Variants in HRAS observed in about 807,000 individuals in gnomAD.
HRAS encodes HRas proto-oncogene, GTPase.
Under a neutral mutation model 19.8 loss-of-function variants are expected in HRAS, and 11 were observed. The observed-to-expected ratio is 0.55, with a 90% CI of 0.35 to 0.92. HRAS has a LOEUF of 0.92. Among genes scored for constraint, HRAS ranks in the 40% least tolerant of loss-of-function variants. The pLI, the probability that HRAS is intolerant of heterozygous loss-of-function variation, is 0.01. For missense variants in HRAS, 204 were observed against 255.9 expected, an observed-to-expected ratio of 0.80 and a Z score of 1.38; for synonymous variants, 149 against 105.5, an observed-to-expected ratio of 1.41 and a Z score of -2.52.
intron 4 of HRAS, chr11:533,180 C>T (rs1312637541): frequency 7.8e-6 from 9 of 1,148,278 alleles, no homozygotes; most frequent in Admixed American, 4.9e-5. Flanking sequence ...CAAGGACCTC[C>T]GCCTTCCCCG....
chr11:533,733 C>T (rs751844306), intron 3 of HRAS, 33 bp downstream of exon 3: 2 of 1,612,278 alleles, frequency 1.2e-6, no homozygotes, highest in Non-Finnish European at 1.7e-6. Context: ...ACCTGTGCGG[C>T]GTGGGCTCCC....
chr11:535,271 C>G (rs1315245633), intron 1 of HRAS, 145 bp downstream of exon 1: 1 of 135,302 alleles, frequency 7.4e-6, no homozygotes, highest in Admixed American at 7.6e-5. Context: ...GCCCGCGGGC[C>G]CCGCCCGGCC....
Position 533,857 on chromosome 11 carries a change from T to G in HRAS, c.199A>C (p.Met67Leu), listed in dbSNP as rs771774973. 1 of 1,613,368 alleles carries G rather than the reference T, an allele frequency of 6.2e-7. No individual in the cohort carries two copies. Among genetic ancestry groups the G allele is most frequent in the Non-Finnish European group, 8.5e-7 (1 of 1,180,002 alleles). ...CCGGTGCGCATGTACTGGTCCCGCA[T>G]GGCGCTGTACTCCTCCTGGCCGGCG... ...DTAGQEEYSA[M>L]RDQYMRTGEG... is the part of the protein sequence containing the mutation. The change falls in exon 3 of 6, where the codon ATG (methionine) becomes CTG (leucine). Residue 67 changes from methionine (M) to leucine (L), a missense_variant. Physicochemically the swap from Met to Leu is conservative, Grantham distance 15. Around this residue, in one of 4 missense-constraint regions of HRAS, gnomAD observed 51 missense variants for 79.0 expected, o/e 0.65. Coordinates refer to ENST00000311189, the MANE Select transcript of HRAS (RefSeq NM_005343.4).
At chr11:533,301 T>G (rs1418944358) in intron 4 of HRAS, 152 bp downstream of exon 4, 1 of 1,600,458 alleles carries the variant, frequency 6.2e-7, no homozygotes, top group Non-Finnish European at 8.5e-7. Context: ...CTGGGTCACA[T>G]GGGTCCCGGG....
At chr11:534,409 G>T in intron 1 of HRAS, 34 bp from the exon 2 acceptor site, 2 of 732,694 alleles carry the variant, frequency 2.7e-6, no homozygotes, top group Non-Finnish European at 4.0e-6. Flanking sequence ...CCAGGCCCAG[G>T]CCCAGCCCCA....
At position 533,234 on chromosome 11, in the gene HRAS, G is replaced by A. The variant is rs550980746; in HGVS notation, c.450+219C>T. 87 of 1,499,142 alleles carry A rather than the reference G, an allele frequency of 5.8e-5. No homozygotes were observed. In the South Asian group the frequency reaches 8.2e-4, roughly 14 times the overall value. 92.9% of individuals were successfully genotyped at this position (1,499,142 alleles called of 1,614,324 possible). A position where few individuals can be genotyped will look rare whatever the true frequency, so the allele number is the denominator to read the frequency against. On this transcript the variant is annotated intron_variant, in intron 4 of 5. Coordinates refer to ENST00000311189, the MANE Select transcript of HRAS (RefSeq NM_005343.4). Reference sequence around the variant, plus strand: ...ACTGCAGGGCGTGAGCCCAGACCCCGGCCCTCGCCTCCCTCACTGCCCTGC... The same window carrying A: ...ACTGCAGGGCGTGAGCCCAGACCCCAGCCCTCGCCTCCCTCACTGCCCTGC...
rs568739285 is a variant in HRAS, at chr11:533,972, C to T, written c.112-28G>A. ...GCAGGAGGACAGGGCTCAGGGACCCCCTCAGGACCTTCCGTGGGGGGAGTT... is the reference window on the plus strand; with the variant it reads ...GCAGGAGGACAGGGCTCAGGGACCCTCTCAGGACCTTCCGTGGGGGGAGTT... On this transcript the variant is annotated intron_variant, in intron 2 of 5. Transcript: ENST00000311189. 21 of 1,605,424 alleles carry T rather than the reference C, an allele frequency of 1.3e-5. 1 individual carries two copies. In the South Asian group the frequency reaches 1.4e-4, roughly 11 times the overall value.
intron 1 of HRAS, chr11:534,618 G>A: frequency 3.8e-6 from 2 of 520,232 alleles, no homozygotes; most frequent in Non-Finnish European, 7.0e-6. Context: ...TCAAAGGCAG[G>A]GCTGACAGCT....
In HRAS at chr11:534,324, G is replaced by T. The variant is rs757657838; in HGVS notation, c.-2C>A. On this transcript the variant is annotated 5_prime_UTR_variant, in exon 2 of 6. Transcript: ENST00000311189. ...CACCACCAGCTTATATTCCGTCATC[G>T]CTCCTCAGGGGCCTGCGGCCCGGGG... The T allele has an allele frequency of 6.2e-7, 1 of 1,610,152 alleles. No homozygotes were observed. The highest frequency in any genetic ancestry group is 8.5e-7 in the Non-Finnish European group (1 of 1,178,670).
Position 534,237 on chromosome 11 carries a change from A to C in HRAS, c.86T>G (p.Val29Gly). 1 of 1,613,528 alleles carries C rather than the reference A, an allele frequency of 6.2e-7. No homozygotes were observed. The highest frequency in any genetic ancestry group is 8.5e-7 in the Non-Finnish European group (1 of 1,179,758). ...LTIQLIQNHF[V>G]DEYDPTIEDS... is the part of the protein sequence containing the mutation. ...CTCTATAGTGGGGTCGTATTCGTCCACAAAATGGTTCTGGATCAGCTGGAT... is the reference window on the plus strand; with the variant it reads ...CTCTATAGTGGGGTCGTATTCGTCCCCAAAATGGTTCTGGATCAGCTGGAT... The change falls in exon 2 of 6, where the codon GTG becomes GGG. Residue 29 changes from valine (V) to glycine (G), a missense_variant. By Grantham distance (109) the Val-to-Gly change is moderately radical (BLOSUM62 -3). This residue lies in a region of HRAS where 51 missense variants were observed against 79.0 expected (regional missense o/e 0.65). Transcript: ENST00000311189.
intron 1 of HRAS, 71 bp from the exon 2 acceptor site, chr11:534,446 G>A: frequency 7.9e-6 from 6 of 757,226 alleles, no homozygotes; most frequent in Non-Finnish European, 1.3e-5. Context: ...TGCTGGCAGG[G>A]CCATCTGAAG....
In HRAS at chr11:533,395, T is replaced by C. The variant is rs767973364; in HGVS notation, c.450+58A>G. The C allele has an allele frequency of 1.4e-5, 17 of 1,206,062 alleles. No individual in the cohort carries two copies. The Admixed American group carries it at 3.0e-4, about 21-fold the overall frequency. 74.7% of individuals were successfully genotyped at this position (1,206,062 alleles called of 1,614,324 possible). A position where few individuals can be genotyped will look rare whatever the true frequency, so the allele number is the denominator to read the frequency against. ...GAGAGGGTCAGTGAGTGCTGCTCCC[T>C]GGCTGGGGCGGGGCGGGGCGGGTCC... On this transcript the variant is annotated intron_variant, in intron 4 of 5. Coordinates refer to ENST00000311189, the MANE Select transcript of HRAS (RefSeq NM_005343.4).
rs755577443 is a variant in HRAS at position 533,963 on chromosome 11, C to T, written c.112-19G>A. Reference sequence around the variant, plus strand: ...AGGAATCCTGCAGGAGGACAGGGCTCAGGGACCCCCTCAGGACCTTCCGTG... The same window carrying T: ...AGGAATCCTGCAGGAGGACAGGGCTTAGGGACCCCCTCAGGACCTTCCGTG... On this transcript the variant is annotated intron_variant, in intron 2 of 5. Transcript: ENST00000311189. 5.0e-6 allele frequency: 8 copies of T among 1,607,382 alleles called. No homozygotes were observed. The highest frequency in any genetic ancestry group is 6.8e-6 in the Non-Finnish European group (8 of 1,179,836).
Position 532,718 on chromosome 11 carries a change from A to T in HRAS, c.488T>A (p.Ile163Asn). 1 of 1,613,144 alleles carries T rather than the reference A, an allele frequency of 6.2e-7. No homozygotes were observed. The highest frequency in any genetic ancestry group is 8.5e-7 in the Non-Finnish European group (1 of 1,179,994). The change falls in exon 5 of 6, where the codon ATC (isoleucine) becomes AAC (asparagine). Residue 163 changes from isoleucine to asparagine, a missense_variant. By Grantham distance (149) the Ile-to-Asn change is moderately radical (BLOSUM62 -3). This residue lies in a region of HRAS where 142 missense variants were observed against 141.1 expected (regional missense o/e 1.01). Coordinates refer to ENST00000311189, the MANE Select transcript of HRAS (RefSeq NM_005343.4). ...CAGCTTCCGCAGCTTGTGCTGCCGGATCTCACGCACCAACGTGTAGAAGGC... is the reference window on the plus strand; with the variant it reads ...CAGCTTCCGCAGCTTGTGCTGCCGGTTCTCACGCACCAACGTGTAGAAGGC... ...EDAFYTLVREIRQHKLRKLNP... is the reference protein window; with the variant it reads ...EDAFYTLVRENRQHKLRKLNP...
In HRAS at chr11:535,527, G is replaced by A. The variant is rs985664217; in HGVS notation, c.-165C>T. On this transcript the variant is annotated 5_prime_UTR_variant, in exon 1 of 6. Coordinates refer to ENST00000311189, the MANE Select transcript of HRAS (RefSeq NM_005343.4). The stretch of plus-strand genomic sequence containing the variant: ...CATGGGCTCCGTCCGCGGCGGGTGC[G>A]GCTCGGGTTGCGGGCGCAGGGCACG... The A allele has an allele frequency of 6.8e-6, 1 of 147,982 alleles. No individual in the cohort carries two copies. Among genetic ancestry groups the A allele is most frequent in the Non-Finnish European group, 1.5e-5 (1 of 66,118 alleles). The allele number at this position is 147,982 out of a possible 1,614,324, so 9.2% of individuals were successfully genotyped here. A position where few individuals can be genotyped will look rare whatever the true frequency, so the allele number is the denominator to read the frequency against.
rs761648389 is a variant in HRAS, at chr11:534,266, C to G, written c.57G>C (p.Leu19=). The change falls in exon 2 of 6, where the codon CTG becomes CTC. Residue 19 remains leucine (L), a synonymous_variant. Coordinates refer to ENST00000311189, the MANE Select transcript of HRAS (RefSeq NM_005343.4). ...VGAGGVGKSA[L]TIQLIQNHFV... ...AATGGTTCTGGATCAGCTGGATGGT[C>G]AGCGCACTCTTGCCCACACCGCCGG... 7.4e-6 allele frequency: 12 copies of G among 1,613,584 alleles called. No homozygotes were observed. The African/African-American group carries it at 9.3e-5, about 13-fold the overall frequency.
Position 533,746 on chromosome 11 carries a change from G to T in HRAS, c.290+20C>A. 1 of 1,613,044 alleles carries T rather than the reference G, an allele frequency of 6.2e-7. No homozygotes were observed. The highest frequency in any genetic ancestry group is 8.5e-7 in the Non-Finnish European group (1 of 1,179,822). On this transcript the variant is annotated intron_variant, in intron 3 of 5. Transcript: ENST00000311189. ...CCACCTGTGCGGCGTGGGCTCCCGG[G>T]CCAGCCTCACGGGGTTCACCTGTAC...
chr11:535,144 G>C (rs1249667580), intron 1 of HRAS: 1 of 152,050 alleles, frequency 6.6e-6, no homozygotes, highest in Non-Finnish European at 1.5e-5. Flanking sequence ...AGGCTCCCGG[G>C]TACGCCGGCG....
rs1170748930 is a variant in HRAS, at chr11:533,569, C to T, written c.334G>A (p.Val112Met). ...RVKDSDDVPM[V>M]LVGNKCDLAA... ...AGGTCACACTTGTTCCCCACCAGCA[C>T]CATGGGCACGTCATCCGAGTCCTTC... The change falls in exon 4 of 6, where the codon GTG becomes ATG. Residue 112 changes from valine (V) to methionine (M), a missense_variant. By Grantham distance (21) the Val-to-Met change is conservative (BLOSUM62 1). This residue lies in a region of HRAS where 142 missense variants were observed against 141.1 expected (regional missense o/e 1.01). Coordinates refer to ENST00000311189, the MANE Select transcript of HRAS (RefSeq NM_005343.4). 6.2e-7 allele frequency: 1 copy of T among 1,613,888 alleles called. No homozygotes were observed. Among genetic ancestry groups the T allele is most frequent in the Non-Finnish European group, 8.5e-7 (1 of 1,180,010 alleles).
Sources: gnomAD v4.1 joint callset for allele counts on GRCh38, gnomAD v4.1.1 for gene constraint, gnomAD v4.1.1 regional missense constraint, MANE v1.5 for transcripts, NCBI Gene and HGNC (gene_info 2026-07-23, HGNC 2026-07-21) for gene names.